The following MOB1A variants were observed in gnomAD, a reference collection of about 807,000 sequenced individuals.
MOB1A encodes the protein MOB kinase activator 1A.
MOB1A carries 10 observed loss-of-function variants against 25.1 expected under a neutral mutation model. The observed-to-expected ratio is 0.40, with a 90% CI of 0.25 to 0.68. MOB1A has a LOEUF of 0.68. MOB1A is among the 30% of genes least tolerant of loss of function. The probability of loss-of-function intolerance (pLI) is 0.40; values close to 1 mark genes in which losing one functional copy is unlikely to be tolerated. For synonymous variants in MOB1A, 81 were observed against 79.5 expected (o/e 1.02, Z -0.10); for missense variants, 177 against 256.3 (o/e 0.69, Z 2.11).
At chr2:74,176,349 T>C (rs906761413) in intron 1 of MOB1A, among the ~76,000 whole-genome samples, 5 of 150,150 alleles carry the variant, frequency 3.3e-5, no homozygotes, top group Non-Finnish European at 7.4e-5. Flanking sequence ...TGAAAAGTTT[T>C]TAACATGATA....
At position 74,156,570 on chromosome 2, in the gene MOB1A, A is replaced by G. The variant is rs1285494033; in HGVS notation, c.649T>C (p.Ter217GlnextTer26). 1 of 1,550,348 alleles carries G rather than the reference A, an allele frequency of 6.5e-7. No individual in the cohort carries two copies. The highest frequency in any genetic ancestry group is 8.7e-7 in the Non-Finnish European group (1 of 1,145,164). The change falls in exon 6 of 6, where the codon TAA (stop) becomes CAA (glutamine). Residue 217 changes from the stop codon to glutamine (Q), a stop_lost. Coordinates refer to ENST00000396049, the MANE Select transcript of MOB1A (RefSeq NM_018221.5). ...TAACTGTGTTCTAGAAGAAACATTT[A>G]TCTGTCTTTTGATCCAAGTTTCTCT... Reference protein sequence around the residue: ...LIEKLGSKDR* With the variant: ...LIEKLGSKDRQ
Position 74,178,709 on chromosome 2 carries a change from G to T in MOB1A, c.-35C>A. On this transcript the variant is annotated 5_prime_UTR_variant, in exon 1 of 6. Coordinates refer to ENST00000396049, the MANE Select transcript of MOB1A (RefSeq NM_018221.5). The stretch of plus-strand genomic sequence containing the variant: ...TCAGAGGGGAGGCGAGGGGCCCCTG[G>T]CCCCCGCCTGGATCAGGATTCGGAG... The T allele has an allele frequency of 8.2e-7, 1 of 1,219,888 alleles. No homozygotes were observed. The highest frequency in any genetic ancestry group is 1.0e-6 in the Non-Finnish European group (1 of 956,828). 75.6% of individuals were successfully genotyped at this position (1,219,888 alleles called of 1,614,324 possible).
chr2:74,176,199 C>A (rs1342512673), intron 1 of MOB1A, among the ~76,000 whole-genome samples: 3 of 135,962 alleles, frequency 2.2e-5, no homozygotes, highest in Non-Finnish European at 4.6e-5. Context: ...TTGCTTGAAC[C>A]CGGGATGCAG....
rs890750438 is a variant in MOB1A at position 74,153,620 on chromosome 2, G to A, written c.*2948C>T. Reference sequence around the variant, plus strand: ...AATACAAAAACTGTAGTACAAGGAAGTTCAACTGTTTAAAAATCTGCACAT... The same window carrying A: ...AATACAAAAACTGTAGTACAAGGAAATTCAACTGTTTAAAAATCTGCACAT... On this transcript the variant is annotated 3_prime_UTR_variant, in exon 6 of 6. Transcript: ENST00000396049. 1.3e-5 allele frequency: 2 copies of A among 152,236 alleles called. No individual in the cohort carries two copies. The highest frequency in any genetic ancestry group is 2.9e-5 in the Non-Finnish European group (2 of 68,046). The allele number at this position is 152,236 out of a possible 1,614,324, so 9.4% of individuals were successfully genotyped here. A position where few individuals can be genotyped will look rare whatever the true frequency, so the allele number is the denominator to read the frequency against.
At chr2:74,172,912 G>C in intron 1 of MOB1A, 160 bp from the exon 2 acceptor site, 1 of 721,348 alleles carries the variant, frequency 1.4e-6, no homozygotes, top group Non-Finnish European at 2.3e-6. Context: ...AGCACTTTGG[G>C]ATCACCTGAG....
At chr2:74,166,283 G>C (rs1693126325) in intron 3 of MOB1A, among the ~76,000 whole-genome samples, 2 of 151,956 alleles carry the variant, frequency 1.3e-5, no homozygotes, top group African/African-American at 4.8e-5. Flanking sequence ...AAATTGTGCT[G>C]CTTTAAATAC....
In MOB1A at chr2:74,178,675, C is replaced by A; in HGVS notation, c.-1G>T. On this transcript the variant is annotated 5_prime_UTR_variant, in exon 1 of 6. Coordinates refer to ENST00000396049, the MANE Select transcript of MOB1A (RefSeq NM_018221.5). ...ACCCCACTCACAAGAGGAAGCTCAT[C>A]TTCGGTCCTCAGAGGGGAGGCGAGG... 1 of 1,358,784 alleles carries A rather than the reference C, an allele frequency of 7.4e-7. No homozygotes were observed. Among genetic ancestry groups the A allele is most frequent in the South Asian group, 1.9e-5 (1 of 52,054 alleles). 84.2% of individuals were successfully genotyped at this position (1,358,784 alleles called of 1,614,324 possible).
At chr2:74,176,446 A>G (rs1290786968) in intron 1 of MOB1A, among the ~76,000 whole-genome samples, 2 of 151,798 alleles carry the variant, frequency 1.3e-5, no homozygotes, top group African/African-American at 4.8e-5. Flanking sequence ...AAGAAGTCCT[A>G]CAACTCAAAA....
At chr2:74,173,290 C>G (rs903782660) in intron 1 of MOB1A, 36 of 478,628 alleles carry the variant, frequency 7.5e-5, no homozygotes, top group South Asian at 5.3e-4. Flanking sequence ...AAGTCTGGTA[C>G]AGAGAAACAT....
intron 1 of MOB1A, among the ~76,000 whole-genome samples, chr2:74,174,269 C>CAA (rs760925429): frequency 0.02 from 1,635 of 80,664 alleles, 41 homozygotes; most frequent in African/African-American, 0.06. Flanking sequence ...GACTCCGTCT[C>CAA]AAAAAAAAAA....
chr2:74,167,204 G>T, intron 2 of MOB1A, 97 bp from the exon 3 acceptor site: 1 of 849,628 alleles, frequency 1.2e-6, no homozygotes, highest in Non-Finnish European at 2.0e-6. Context: ...TAGGTTCTTA[G>T]CTGAACCCTT....
intron 2 of MOB1A, among the ~76,000 whole-genome samples, chr2:74,168,239 T>G (rs532043402): frequency 1.3e-5 from 2 of 152,278 alleles, no homozygotes; most frequent in East Asian, 3.9e-4. Context: ...TTGGAAGTAG[T>G]CAGGGGGTAC....
At chr2:74,173,259 A>T in intron 1 of MOB1A, 1 of 510,852 alleles carries the variant, frequency 2.0e-6, no homozygotes, top group Non-Finnish European at 3.9e-6. Context: ...AAATAAGGCA[A>T]TTTTACTATG....
intron 2 of MOB1A, among the ~76,000 whole-genome samples, chr2:74,168,813 G>A (rs1693202867): frequency 6.6e-6 from 1 of 152,150 alleles, no homozygotes; most frequent in South Asian, 2.1e-4. Flanking sequence ...TTCTAAGAAA[G>A]TAACACTTAG....
chr2:74,159,989 G>C (rs1195361071), intron 4 of MOB1A, among the ~76,000 whole-genome samples: 3 of 152,114 alleles, frequency 2.0e-5, no homozygotes, highest in Admixed American at 6.5e-5. Context: ...GCTGATTTTT[G>C]TATTTTTAGT....
chr2:74,163,393 T>C (rs1417570952), intron 4 of MOB1A, among the ~76,000 whole-genome samples: 23 of 152,280 alleles, frequency 1.5e-4, no homozygotes, highest in African/African-American at 4.8e-4. Flanking sequence ...TCCAACACTT[T>C]TGGAAGGCCA....
At chr2:74,163,945 G>C (rs1166976520) in intron 4 of MOB1A, 1 of 151,868 alleles carries the variant, frequency 6.6e-6, no homozygotes, top group Non-Finnish European at 1.5e-5. Flanking sequence ...AAGTTCTTTG[G>C]AAAAACAAAT....
chr2:74,178,595 G>A, intron 1 of MOB1A, 66 bp downstream of exon 1: 3 of 1,251,148 alleles, frequency 2.4e-6, no homozygotes, highest in South Asian at 2.0e-5. Flanking sequence ...CTCGCCTCAG[G>A]TCCGGGGAGG....
chr2:74,160,737 G>A (rs1692944868), intron 4 of MOB1A, among the ~76,000 whole-genome samples: 1 of 151,830 alleles, frequency 6.6e-6, no homozygotes, highest in African/African-American at 2.4e-5. Flanking sequence ...AAACAACGGG[G>A]GTAGAGTTTG....
Sources: gnomAD v4.1 joint callset for allele counts (sites outside exome capture counted in the v4.1 genomes callset) on GRCh38, gnomAD v4.1.1 for gene constraint, MANE v1.5 for transcripts, NCBI Gene and HGNC (gene_info 2026-07-23, HGNC 2026-07-21) for gene names.